The following ELAVL4 variants were observed in gnomAD, a reference collection of about 807,000 sequenced individuals.
ELAVL4 encodes the protein ELAV-like protein 4.
Under a neutral mutation model 35.6 loss-of-function variants are expected in ELAVL4, and 1 was observed. The ratio of observed to expected loss-of-function variants is 0.03; its 90% confidence interval spans 0.01 to 0.13. The LOEUF is 0.13. Among genes scored for constraint, ELAVL4 ranks in the 10% least tolerant of loss-of-function variants. The pLI is 1.00. For synonymous variants in ELAVL4, 156 were observed against 171.0 expected (o/e 0.91, Z 0.69); for missense variants, 267 against 464.9 (o/e 0.57, Z 3.91).
intron 1 of ELAVL4, among the ~76,000 whole-genome samples, chr1:50,065,929 A>C (rs974864836): frequency 4.6e-5 from 7 of 152,158 alleles, no homozygotes; most frequent in African/African-American, 1.7e-4. Context: ...GCTTGTTCAT[A>C]TGACAGCTGG....
At chr1:50,085,734 A>G (rs955153036) in intron 1 of ELAVL4, among the ~76,000 whole-genome samples, 1 of 152,238 alleles carries the variant, frequency 6.6e-6, no homozygotes, top group African/African-American at 2.4e-5. Flanking sequence ...CTAATTAGCA[A>G]TCGCTTTAAA....
chr1:50,070,794 G>GAT lies in ELAVL4; in HGVS notation c.18+22614_18+22615dup, dbSNP rs529735649. Among the ~76,000 whole-genome samples, 152 of 150,738 alleles carry GAT rather than the reference G, an allele frequency of 1.0e-3. 1 individual carries two copies. The highest frequency in any genetic ancestry group is 3.6e-3 in the African/African-American group (147 of 41,004). ...TAAACGGTGACGTTTCAGAAGGGCAGATAAAGTTACATAATATTTTTAGGC... is the reference window on the plus strand; with the variant it reads ...TAAACGGTGACGTTTCAGAAGGGCAGATATAAAGTTACATAATATTTTTAGGC... On this transcript the variant is annotated intron_variant, in intron 1 of 6. Transcript: ENST00000448907.
In ELAVL4 at chr1:50,133,835, A is replaced by T. The variant is rs369070149; in HGVS notation, c.10-11122A>T. Among the ~76,000 whole-genome samples, 11 of 152,280 alleles carry T rather than the reference A, an allele frequency of 7.2e-5. No individual in the cohort carries two copies. In the East Asian group the frequency reaches 1.5e-3, roughly 21 times the overall value. ...TCCATGAGTATAATTTATCACGGCCAGTTATATATGCATTGAGGTGCTAAG... is the reference window on the plus strand; with the variant it reads ...TCCATGAGTATAATTTATCACGGCCTGTTATATATGCATTGAGGTGCTAAG... On this transcript the variant is annotated intron_variant, in intron 1 of 6. Coordinates refer to ENST00000371824, the MANE Select transcript of ELAVL4 (RefSeq NM_001144774.3).
At chr1:50,160,011 T>G (rs1676504994) in intron 2 of ELAVL4, among the ~76,000 whole-genome samples, 1 of 152,196 alleles carries the variant, frequency 6.6e-6, no homozygotes, top group South Asian at 2.1e-4. Flanking sequence ...GGCATTTTTT[T>G]GAAAATTATT....
rs149306241 is a variant in ELAVL4 at position 50,050,108 on chromosome 1, T to G, written c.18+1926T>G. The stretch of plus-strand genomic sequence containing the variant: ...TCAGTAGTTATGTGACTTGCATAAT[T>G]AATTTTTTGGTCCTTCCTGCCACTT... On this transcript the variant is annotated intron_variant, in intron 1 of 6. Transcript: ENST00000448907. Among the ~76,000 whole-genome samples, 106 of 152,330 alleles carry G rather than the reference T, an allele frequency of 7.0e-4. 2 individuals carry two copies. In the East Asian group the frequency reaches 0.018, roughly 27 times the overall value.
intron 2 of ELAVL4, among the ~76,000 whole-genome samples, chr1:50,150,687 A>G (rs2148712533): frequency 6.6e-6 from 1 of 152,190 alleles, no homozygotes; most frequent in East Asian, 1.9e-4. Context: ...ACTTATAGGA[A>G]CACTATGGGA....
chr1:50,108,836 G>C (rs985601693), upstream of ELAVL4: 1 of 893,286 alleles, frequency 1.1e-6, no homozygotes, highest in African/African-American at 1.8e-5. Flanking sequence ...ATGTTGCAAC[G>C]CCTCCCTTCG....
At chr1:50,061,930 A>G (rs951760907) in intron 1 of ELAVL4, among the ~76,000 whole-genome samples, 1 of 152,084 alleles carries the variant, frequency 6.6e-6, no homozygotes, top group Non-Finnish European at 1.5e-5. Context: ...TGTCTGTCTC[A>G]TTGTCTGTTT....
chr1:50,075,202 T>C (rs1664705928), intron 1 of ELAVL4, among the ~76,000 whole-genome samples: 2 of 152,142 alleles, frequency 1.3e-5, no homozygotes, highest in Admixed American at 6.5e-5. Flanking sequence ...GGGAGACAGC[T>C]AGAAAGAGAT....
intron 1 of ELAVL4, among the ~76,000 whole-genome samples, chr1:50,066,071 G>A (rs906949927): frequency 6.6e-6 from 1 of 152,074 alleles, no homozygotes; most frequent in Non-Finnish European, 1.5e-5. Context: ...ATCTCTTTTA[G>A]GAAGATCTGC....
rs1666606696 is a variant in ELAVL4, at chr1:50,108,962, A to G, written c.-228A>G. On this transcript the variant is annotated 5_prime_UTR_variant, in exon 1 of 7. Transcript: ENST00000371824. ...GCTCTGTTCAGTTGTTCTTATCTACATCCTAGAATCGGGGGTTTCAGCTCA... is the reference window on the plus strand; with the variant it reads ...GCTCTGTTCAGTTGTTCTTATCTACGTCCTAGAATCGGGGGTTTCAGCTCA... 8.1e-7 allele frequency: 1 copy of G among 1,236,556 alleles called. No individual in the cohort carries two copies. The highest frequency in any genetic ancestry group is 1.0e-6 in the Non-Finnish European group (1 of 989,432). 76.6% of individuals were successfully genotyped at this position (1,236,556 alleles called of 1,614,324 possible).
At chr1:50,116,230 TG>T (rs1667919901) in intron 1 of ELAVL4, among the ~76,000 whole-genome samples, 1 of 152,132 alleles carries the variant, frequency 6.6e-6, no homozygotes, top group South Asian at 2.1e-4. Context: ...GAAACACGAA[TG>T]TCTTGCCTCC....
intron 1 of ELAVL4, among the ~76,000 whole-genome samples, chr1:50,076,300 C>A (rs1177167897): frequency 1.3e-5 from 2 of 152,100 alleles, no homozygotes; most frequent in Admixed American, 1.3e-4. Context: ...TTGATCCCAA[C>A]CTTCGTCAAA....
intron 1 of ELAVL4, among the ~76,000 whole-genome samples, chr1:50,140,911 C>T (rs1672711900): frequency 6.6e-6 from 1 of 152,170 alleles, no homozygotes; most frequent in Non-Finnish European, 1.5e-5. Flanking sequence ...TATCTCATGG[C>T]TCCTTTTAGA....
intron 2 of ELAVL4, among the ~76,000 whole-genome samples, chr1:50,167,406 G>A (rs35383864): frequency 1.3e-5 from 2 of 152,192 alleles, no homozygotes; most frequent in Non-Finnish European, 2.9e-5. Context: ...CTCGGCAGAA[G>A]CATTGTGTGC....
intron 1 of ELAVL4, among the ~76,000 whole-genome samples, chr1:50,127,605 T>C (rs1322898370): frequency 6.6e-6 from 1 of 152,156 alleles, no homozygotes; most frequent in Non-Finnish European, 1.5e-5. Flanking sequence ...TAGAGGGCAG[T>C]GATCAAGTGC....
chr1:50,123,496 T>C (rs1336500020), intron 1 of ELAVL4, among the ~76,000 whole-genome samples: 1 of 152,086 alleles, frequency 6.6e-6, no homozygotes, highest in Non-Finnish European at 1.5e-5. Context: ...AAAAATAATG[T>C]ATTTTTTCAC....
intron 1 of ELAVL4, among the ~76,000 whole-genome samples, chr1:50,057,919 A>T (rs1186372111): frequency 6.6e-6 from 1 of 152,252 alleles, no homozygotes; most frequent in East Asian, 1.9e-4. Context: ...GTGAGTTGAA[A>T]TAATATTTCT....
chr1:50,137,067 G>C (rs969646992), intron 1 of ELAVL4, among the ~76,000 whole-genome samples: 1 of 152,160 alleles, frequency 6.6e-6, no homozygotes, highest in Non-Finnish European at 1.5e-5. Context: ...AAGTGGAGGG[G>C]ATAGGGTAAG....
Sources: gnomAD v4.1 joint callset for allele counts (sites outside exome capture counted in the v4.1 genomes callset) on GRCh38, gnomAD v4.1.1 for gene constraint, MANE v1.5 for transcripts, NCBI Gene and HGNC (gene_info 2026-07-23, HGNC 2026-07-21) for gene names.